LARP4B: variants seen among roughly 807,000 people sequenced by gnomAD.
LARP4B encodes la-related protein 4B.
Under a neutral mutation model 89.8 loss-of-function variants are expected in LARP4B, and 12 were observed. That is an observed-to-expected ratio of 0.13 (90% confidence interval 0.09 to 0.22). The LOEUF is 0.22. LARP4B is among the 10% of genes least tolerant of loss of function. The probability of loss-of-function intolerance (pLI) is 1.00; values close to 1 mark genes in which losing one functional copy is unlikely to be tolerated. For missense variants in LARP4B, 757 were observed against 947.7 expected, an observed-to-expected ratio of 0.80 and a Z score of 2.64; for synonymous variants, 367 against 363.3, an observed-to-expected ratio of 1.01 and a Z score of -0.12.
intron 1 of LARP4B, among the ~76,000 whole-genome samples, chr10:899,888 A>G (rs1387259864): frequency 1.3e-5 from 2 of 152,230 alleles, no homozygotes; most frequent in Non-Finnish European, 1.5e-5. Context: ...AGTACTATAT[A>G]ATCTCCTTGG....
At position 885,666 on chromosome 10, in the gene LARP4B, T is replaced by C; in HGVS notation, c.56A>G (p.Gln19Arg). The C allele has an allele frequency of 1.2e-6, 2 of 1,614,112 alleles. No individual in the cohort carries two copies. Among genetic ancestry groups the C allele is most frequent in the Non-Finnish European group, 8.5e-7 (1 of 1,179,984 alleles). ...VVAEPQTQRVQEGKDSAHLMN... is the reference protein window; with the variant it reads ...VVAEPQTQRVREGKDSAHLMN... Reference sequence around the variant, plus strand: ...CAGATGAGCGCTGTCCTTGCCCTCCTGGACTCTCTGCGTCTGCGGTTCAGC... The same window carrying C: ...CAGATGAGCGCTGTCCTTGCCCTCCCGGACTCTCTGCGTCTGCGGTTCAGC... Residue 19 changes from glutamine to arginine, a missense_variant, in exon 2 of 18, where the codon CAG (glutamine) becomes CGG (arginine). By Grantham distance (43) the Gln-to-Arg change is conservative. Around this residue, in one of 5 missense-constraint regions of LARP4B, gnomAD observed 175 missense variants for 187.0 expected, o/e 0.94. Transcript: ENST00000316157.
At chr10:974,846 G>A in the LARP4B span, among the ~76,000 whole-genome samples, 13 of 152,226 alleles carry the variant, frequency 8.5e-5, no homozygotes, top group Admixed American at 1.3e-4. Context: ...AACAAATGTC[G>A]GCTGTCACTG....
At chr10:837,375 C>T (rs1015624658) in intron 7 of LARP4B, among the ~76,000 whole-genome samples, 1 of 152,192 alleles carries the variant, frequency 6.6e-6, no homozygotes, top group African/African-American at 2.4e-5. Context: ...TAAAACTTAA[C>T]ACTGGTAGAA....
intron 1 of LARP4B, among the ~76,000 whole-genome samples, chr10:900,420 C>CTTTTTTTT (rs529963345): frequency 0.013 from 567 of 45,250 alleles, 202 homozygotes; most frequent in East Asian, 0.018. Flanking sequence ...AGAAGGATGT[C>CTTTTTTTT]TTTTTTTTTT....
chr10:875,128 A>G (rs1345186731), intron 3 of LARP4B, among the ~76,000 whole-genome samples: 4 of 152,352 alleles, frequency 2.6e-5, no homozygotes, highest in African/African-American at 7.2e-5. Context: ...TGCACTAAAG[A>G]CACAAACGAT....
At position 904,013 on chromosome 10, in the gene LARP4B, G is replaced by T. The variant is rs1033326577; in HGVS notation, c.-39-18253C>A. ...ACGCAACACTGACAGAATACAAGCT[G>T]AGCAGCACTAATCTGAAAATCTGAA... is the stretch of plus-strand genomic sequence containing the variant. On this transcript the variant is annotated intron_variant, in intron 1 of 17. Coordinates refer to ENST00000316157, the MANE Select transcript of LARP4B (RefSeq NM_015155.3). Among the ~76,000 whole-genome samples the T allele has an allele frequency of 7.2e-5, 11 of 152,240 alleles. 1 individual carries two copies. The East Asian group carries it at 1.7e-3, about 24-fold the overall frequency.
chr10:837,660 A>C (rs1833296188), intron 7 of LARP4B, among the ~76,000 whole-genome samples: 1 of 152,244 alleles, frequency 6.6e-6, no homozygotes, highest in Admixed American at 6.5e-5. Flanking sequence ...GTGCACGGGC[A>C]GTCAATACGA....
At chr10:887,900 G>A (rs761373909) in intron 1 of LARP4B, among the ~76,000 whole-genome samples, 1 of 151,350 alleles carries the variant, frequency 6.6e-6, no homozygotes, top group Non-Finnish European at 1.5e-5. Flanking sequence ...GCACATGCCT[G>A]TATAATCCCA....
the LARP4B span, among the ~76,000 whole-genome samples, chr10:976,853 G>A: frequency 2.0e-3 from 301 of 149,530 alleles, 1 homozygote; most frequent in African/African-American, 6.7e-3. Context: ...GTGTGGACCC[G>A]GCCTAGTAGA....
chr10:827,675 A>G (rs1048817595), intron 11 of LARP4B, among the ~76,000 whole-genome samples: 4 of 152,158 alleles, frequency 2.6e-5, no homozygotes, highest in African/African-American at 4.8e-5. Flanking sequence ...CAGAACCCCA[A>G]GGATCCCCGA....
At chr10:925,740 G>A (rs1182855894) in intron 1 of LARP4B, among the ~76,000 whole-genome samples, 2 of 152,080 alleles carry the variant, frequency 1.3e-5, no homozygotes, top group Non-Finnish European at 2.9e-5. Context: ...CACCATGTTG[G>A]CCAGGCTGGT....
intron 3 of LARP4B, among the ~76,000 whole-genome samples, chr10:870,891 G>A (rs1462022712): frequency 1.3e-5 from 2 of 152,206 alleles, no homozygotes; most frequent in Non-Finnish European, 2.9e-5. Context: ...GGACTGAAAT[G>A]TGGTAACACA....
In LARP4B at chr10:923,829, C is replaced by A. The variant is rs868868288; in HGVS notation, c.-40+7599G>T. ...AACAAAGCTCTCTGAAATGTGAAAA[C>A]AAAATGTTCTCATTTTTCAGAGACA... On this transcript the variant is annotated intron_variant, in intron 1 of 17. Transcript: ENST00000316157. Among the ~76,000 whole-genome samples the A allele has an allele frequency of 4.6e-5, 7 of 152,204 alleles. No homozygotes were observed. In the Middle Eastern group the frequency reaches 0.01, roughly 222 times the overall value.
At chr10:837,012 T>C (rs1035886755) in intron 7 of LARP4B, among the ~76,000 whole-genome samples, 2 of 152,216 alleles carry the variant, frequency 1.3e-5, no homozygotes, top group Non-Finnish European at 2.9e-5. Context: ...TCACAGCAAG[T>C]AATGATCACA....
intron 7 of LARP4B, among the ~76,000 whole-genome samples, chr10:840,075 G>C (rs74844380): frequency 6.6e-6 from 1 of 151,876 alleles, no homozygotes; most frequent in Non-Finnish European, 1.5e-5. Flanking sequence ...AAGCTAATCC[G>C]TAGTGACAGG....
rs538524299 is a variant in LARP4B at position 822,649 on chromosome 10, T to C, written c.1485-1804A>G. Among the ~76,000 whole-genome samples, 2 of 152,202 alleles carry C rather than the reference T, an allele frequency of 1.3e-5. No individual in the cohort carries two copies. The highest frequency in any genetic ancestry group is 2.9e-5 in the Non-Finnish European group (2 of 68,012). On this transcript the variant is annotated intron_variant, in intron 13 of 17. Transcript: ENST00000316157. This position sits in a 1 kb window ranked among gnomAD's most constrained non-coding sequence, Gnocchi z 4.6. The stretch of plus-strand genomic sequence containing the variant: ...GGCTCAGTGACAGGGCCATGGTGGG[T>C]TACAGCTCACAAGGGGTAGCAAGGG...
intron 1 of LARP4B, among the ~76,000 whole-genome samples, chr10:920,650 T>C (rs1282734442): frequency 6.6e-6 from 1 of 152,056 alleles, no homozygotes; most frequent in Non-Finnish European, 1.5e-5. Flanking sequence ...GACGTGCCTG[T>C]AGTCCTGGCT....
At chr10:925,231 C>T (rs371204992) in intron 1 of LARP4B, among the ~76,000 whole-genome samples, 2 of 152,128 alleles carry the variant, frequency 1.3e-5, no homozygotes, top group Non-Finnish European at 2.9e-5. Context: ...TGCTGGATGA[C>T]GGGCCTTACA....
intron 5 of LARP4B, among the ~76,000 whole-genome samples, chr10:856,571 T>C (rs1380276691): frequency 6.6e-6 from 1 of 152,178 alleles, no homozygotes; most frequent in African/African-American, 2.4e-5. Flanking sequence ...CAGAAAACAC[T>C]GTCCTGGAAC....
Sources: allele counts gnomAD v4.1 joint callset (sites outside exome capture counted in the v4.1 genomes callset), GRCh38; gene constraint gnomAD v4.1.1; regional missense constraint gnomAD v4.1.1; non-coding constraint Gnocchi (gnomAD v3.1); transcripts MANE v1.5; gene names NCBI Gene and HGNC (gene_info 2026-07-23, HGNC 2026-07-21).